Variants in DIXDC1 observed in about 807,000 individuals in gnomAD.
DIXDC1 encodes the protein DIX domain containing 1, also known as dixin.
Under a neutral mutation model 103.1 loss-of-function variants are expected in DIXDC1, and 64 were observed. That is an observed-to-expected ratio of 0.62 (90% CI 0.51 to 0.76). The LOEUF (loss-of-function observed/expected upper bound fraction) is 0.76, where lower values mean the gene tolerates loss of function less well. Among genes scored for constraint, DIXDC1 ranks in the 30% least tolerant of loss-of-function variants. DIXDC1 has a pLI of 0.00. For missense variants in DIXDC1, 759 were observed against 834.2 expected (o/e 0.91, Z 1.11); for synonymous variants, 266 against 298.5 (o/e 0.89, Z 1.12).
At chr11:111,985,510 T>G (rs1357491384) in intron 8 of DIXDC1, among the ~76,000 whole-genome samples, 189 bp downstream of exon 8, 1 of 152,218 alleles carries the variant, frequency 6.6e-6, no homozygotes, top group African/African-American at 2.4e-5. Context: ...GAGTGCTGAC[T>G]ATATGCCAGA....
intron 1 of DIXDC1, among the ~76,000 whole-genome samples, chr11:111,947,548 A>G (rs1363791014): frequency 6.6e-6 from 1 of 152,194 alleles, no homozygotes; most frequent in Non-Finnish European, 1.5e-5. Flanking sequence ...GTGGGCATTT[A>G]TAGGAAGAAC....
At chr11:111,992,277 G>A in intron 10 of DIXDC1, 138 bp from the exon 11 acceptor site, 1 of 718,454 alleles carries the variant, frequency 1.4e-6, no homozygotes, top group Non-Finnish European at 2.2e-6. Flanking sequence ...GCAACTCGTG[G>A]CAAGACCCTT....
At chr11:111,940,274 G>A (rs1966375265) in intron 1 of DIXDC1, among the ~76,000 whole-genome samples, 2 of 152,226 alleles carry the variant, frequency 1.3e-5, no homozygotes, top group Admixed American at 1.3e-4. Flanking sequence ...AATAACTCAC[G>A]GAATTGATCC....
chr11:111,992,400 TGCTTTTTCC>T lies in DIXDC1; in HGVS notation c.1114-14_1114-6del. 6.4e-7 allele frequency: 1 copy of T among 1,558,380 alleles called. No individual in the cohort carries two copies. Among genetic ancestry groups the T allele is most frequent in the East Asian group, 2.4e-5 (1 of 42,116 alleles). Reference sequence around the variant, plus strand: ...TGAACTGAGACAACAATAATTAGTATGCTTTTTCCCCTAGGATGCCTTGCAGCAGAGATT... The same window carrying T: ...TGAACTGAGACAACAATAATTAGTATCCTAGGATGCCTTGCAGCAGAGATT... On this transcript the variant is annotated splice_region_variant and splice_polypyrimidine_tract_variant and intron_variant, in intron 10 of 19. Transcript: ENST00000440460.
intron 3 of DIXDC1, among the ~76,000 whole-genome samples, chr11:111,970,570 G>A (rs1468082207): frequency 6.6e-6 from 1 of 151,752 alleles, no homozygotes; most frequent in Non-Finnish European, 1.5e-5. Flanking sequence ...GCTGAGACAG[G>A]AGAATAGCTT....
intron 2 of DIXDC1, among the ~76,000 whole-genome samples, chr11:111,930,609 A>G (rs1224213841): frequency 6.6e-6 from 1 of 152,196 alleles, no homozygotes; most frequent in Non-Finnish European, 1.5e-5. Context: ...AAACATTATA[A>G]TGGCTGTAAT....
At chr11:111,930,849 CTTTTTTTTT>C (rs782075106) in intron 2 of DIXDC1, among the ~76,000 whole-genome samples, 3 of 116,864 alleles carry the variant, frequency 2.6e-5, no homozygotes, top group Non-Finnish European at 5.2e-5. Context: ...TCTTTCTTTC[CTTTTTTTTT>C]TTTTTTTTTT....
intron 17 of DIXDC1, among the ~76,000 whole-genome samples, chr11:112,007,958 A>G (rs1232694190): frequency 6.6e-6 from 1 of 152,122 alleles, no homozygotes; most frequent in Non-Finnish European, 1.5e-5. Context: ...ACACATAACA[A>G]TATTAACCTT....
At chr11:112,011,915 C>T (rs931082122) in intron 17 of DIXDC1, among the ~76,000 whole-genome samples, 25 of 152,154 alleles carry the variant, frequency 1.6e-4, no homozygotes, top group African/African-American at 5.8e-4. Context: ...AACAAACCTG[C>T]ACGTTGTGCA....
chr11:111,957,254 A>G (rs1859417889), intron 1 of DIXDC1, among the ~76,000 whole-genome samples: 1 of 152,206 alleles, frequency 6.6e-6, no homozygotes, highest in Non-Finnish European at 1.5e-5. Context: ...ATGTAGGAGG[A>G]ATGGCAGAAT....
intron 9 of DIXDC1, among the ~76,000 whole-genome samples, chr11:111,987,562 T>G (rs1860535380): frequency 6.6e-6 from 1 of 152,120 alleles, no homozygotes; most frequent in African/African-American, 2.4e-5. Flanking sequence ...AGGTCAGTGA[T>G]TCCTAGCTTT....
chr11:111,977,832 C>T lies in DIXDC1; in HGVS notation c.656+2849C>T. 6.5e-7 allele frequency: 1 copy of T among 1,538,072 alleles called. No homozygotes were observed. The highest frequency in any genetic ancestry group is 1.2e-5 in the South Asian group (1 of 82,962). Reference sequence around the variant, plus strand: ...CACTCTGGCTTTGGAAGTGGGGGGCCTGGGTGGGAACAGGGGCAGGGCTGG... The same window carrying T: ...CACTCTGGCTTTGGAAGTGGGGGGCTTGGGTGGGAACAGGGGCAGGGCTGG... On this transcript the variant is annotated intron_variant, in intron 5 of 19. Transcript: ENST00000440460. This position sits in a 1 kb window ranked among gnomAD's most constrained non-coding sequence, Gnocchi z 6.1.
chr11:111,930,787 C>T (rs1189034817), intron 2 of DIXDC1, among the ~76,000 whole-genome samples: 10 of 151,052 alleles, frequency 6.6e-5, no homozygotes, highest in African/African-American at 1.5e-4. Flanking sequence ...TGCTTGAGGC[C>T]AGGAGTTCAA....
chr11:112,011,826 A>G (rs782789674), intron 17 of DIXDC1, among the ~76,000 whole-genome samples: 30 of 152,166 alleles, frequency 2.0e-4, no homozygotes, highest in Non-Finnish European at 3.7e-4. Context: ...GGGGGGAGGG[A>G]TAGCATTAGG....
chr11:111,975,261 AG>A, intron 5 of DIXDC1: 1 of 1,240,072 alleles, frequency 8.1e-7, no homozygotes, highest in Non-Finnish European at 1.0e-6. Context: ...GGAACCTGTC[AG>A]GGCCCAGTCC....
At chr11:111,990,867 C>T (rs587776316) in intron 10 of DIXDC1, among the ~76,000 whole-genome samples, 1 of 152,154 alleles carries the variant, frequency 6.6e-6, no homozygotes, top group East Asian at 1.9e-4. Flanking sequence ...CCACCATGCC[C>T]AGCTAATTTT....
At chr11:111,937,133 G>GT (rs1566450695), upstream of DIXDC1, 209 of 684,932 alleles carry the variant, frequency 3.1e-4, 15 homozygotes, top group African/African-American at 3.9e-3. Flanking sequence ...GGCCCGGGCG[G>GT]GGGGGGGGTG....
At chr11:111,971,680 C>T (rs184193904) in intron 3 of DIXDC1, among the ~76,000 whole-genome samples, 83 of 152,126 alleles carry the variant, frequency 5.5e-4, no homozygotes, top group Admixed American at 2.2e-3. Context: ...TGGAATCAAC[C>T]TAGGTGCCCA....
At chr11:112,013,310 G>C (rs1555177384) in intron 17 of DIXDC1, among the ~76,000 whole-genome samples, 1 of 126,102 alleles carries the variant, frequency 7.9e-6, no homozygotes, top group African/African-American at 3.4e-5. Flanking sequence ...TGAAGTTGAC[G>C]GGTCGGGGGG....
Sources: allele counts gnomAD v4.1 joint callset (sites outside exome capture counted in the v4.1 genomes callset), GRCh38; gene constraint gnomAD v4.1.1; non-coding constraint Gnocchi (gnomAD v3.1); transcripts MANE v1.5; gene names NCBI Gene and HGNC (gene_info 2026-07-23, HGNC 2026-07-21).